Variants in TRIP10 observed in about 807,000 individuals in gnomAD.
TRIP10 encodes the protein cdc42-interacting protein 4.
A neutral mutation model predicts 80.9 loss-of-function variants in TRIP10; 54 were observed. The observed-to-expected ratio is 0.67, with a 90% CI of 0.54 to 0.84. TRIP10 has a LOEUF of 0.84. Ranked by LOEUF, TRIP10 falls within the 40% of genes least tolerant of loss-of-function variation. TRIP10 has a pLI of 0.00. For missense variants in TRIP10, 773 were observed against 815.3 expected, an observed-to-expected ratio of 0.95 and a Z score of 0.63; for synonymous variants, 321 against 307.2, an observed-to-expected ratio of 1.04 and a Z score of -0.47.
Position 6,744,648 on chromosome 19 carries a change from C to T in TRIP10, c.737C>T (p.Ala246Val). The change falls in exon 8 of 15, where the codon GCC (alanine) becomes GTC (valine). Residue 246 changes from alanine to valine, a missense_variant. By Grantham distance (64) the Ala-to-Val change is moderately conservative (BLOSUM62 0). Transcript: ENST00000313244. The surrounding 1 kb of genome is among the most constrained non-coding windows in gnomAD (Gnocchi z 4.9). ...EAELEVVPII[A>V]KCLEGMKVAA... ...GAGCTGGAGGTGGTGCCCATAATAGCCAAGTGCTTGGAGGGCATGAAGGTG... is the reference window on the plus strand; with the variant it reads ...GAGCTGGAGGTGGTGCCCATAATAGTCAAGTGCTTGGAGGGCATGAAGGTG... 1 of 1,613,044 alleles carries T rather than the reference C, an allele frequency of 6.2e-7. No homozygotes were observed. Among genetic ancestry groups the T allele is most frequent in the Non-Finnish European group, 8.5e-7 (1 of 1,179,520 alleles).
rs1338435292 is a variant in TRIP10 at position 6,746,091 on chromosome 19, C to T, written c.1047C>T (p.Pro349=). 2 of 1,542,028 alleles carry T rather than the reference C, an allele frequency of 1.3e-6. No individual in the cohort carries two copies. Among genetic ancestry groups the T allele is most frequent in the Admixed American group, 2.0e-5 (1 of 49,516 alleles). ...TACCCTCGGCATTGCCTAACGGACC[C>T]CCGTCCCCCCGCTCCGGCCGTGACC... ...GPVPSALPNG[P]PSPRSGRDPL... The change falls in exon 10 of 15, where the codon CCC becomes CCT. Residue 349 remains proline (P), a synonymous_variant. Transcript: ENST00000313244. The surrounding 1 kb of genome is among the most constrained non-coding windows in gnomAD (Gnocchi z 6.2).
intron 11 of TRIP10, among the ~76,000 whole-genome samples, chr19:6,748,120 T>A (rs1391553836): frequency 6.6e-6 from 1 of 152,134 alleles, no homozygotes; most frequent in Non-Finnish European, 1.5e-5. Flanking sequence ...ATCTATTTAA[T>A]AGCTCAAACA....
intron 11 of TRIP10, chr19:6,748,814 G>A (rs1223752566): frequency 6.6e-6 from 1 of 151,978 alleles, no homozygotes; most frequent in African/African-American, 2.4e-5. Flanking sequence ...AAAAATAACT[G>A]GAAGGAAGTT....
chr19:6,743,988 T>G (rs1013668871), intron 7 of TRIP10, 152 bp downstream of exon 7: 2 of 1,047,556 alleles, frequency 1.9e-6, no homozygotes, highest in Non-Finnish European at 2.8e-6. Flanking sequence ...GTGCTTTTAG[T>G]CAGCTGTTCT....
chr19:6,745,077 C>T lies in TRIP10; in HGVS notation c.984+83C>T, dbSNP rs890830026. ...GGGCCCCTATTGAGTCAGCCCCAGC[C>T]GCCTGAACGCCGAGTCTCGGGCAGG... On this transcript the variant is annotated intron_variant, in intron 9 of 14. Coordinates refer to ENST00000313244, the MANE Select transcript of TRIP10 (RefSeq NM_001288962.2). The surrounding 1 kb of genome is among the most constrained non-coding windows in gnomAD (Gnocchi z 7.2). 114 of 1,471,974 alleles carry T rather than the reference C, an allele frequency of 7.7e-5. No homozygotes were observed. The highest frequency in any genetic ancestry group is 2.4e-4 in the Middle Eastern group (1 of 4,098). The allele number at this position is 1,471,974 out of a possible 1,614,324, so 91.2% of individuals were successfully genotyped here.
chr19:6,748,646 A>G (rs1234375127), intron 11 of TRIP10: 3 of 152,256 alleles, frequency 2.0e-5, no homozygotes, highest in Admixed American at 6.5e-5. Context: ...TATAAAAATT[A>G]GCCAGGCGTG....
chr19:6,742,641 G>A (rs1376590538), intron 3 of TRIP10, among the ~76,000 whole-genome samples: 1 of 152,024 alleles, frequency 6.6e-6, no homozygotes, highest in Non-Finnish European at 1.5e-5. Flanking sequence ...AATTAGCCAG[G>A]TGTGGTGGCG....
intron 1 of TRIP10, 180 bp from the exon 2 acceptor site, chr19:6,740,830 G>GA: frequency 1.7e-6 from 1 of 589,458 alleles, no homozygotes; most frequent in East Asian, 2.9e-5. Context: ...CCGGGAAGGG[G>GA]AGGGGGTTCC....
rs1304579793 is a variant in TRIP10 at position 6,751,472 on chromosome 19, A to G, written c.*261A>G. On this transcript the variant is annotated 3_prime_UTR_variant, in exon 15 of 15. Coordinates refer to ENST00000313244, the MANE Select transcript of TRIP10 (RefSeq NM_001288962.2). ...CGCTCGGCTCCGGCCATTTTGTTTT[A>G]TACAAAAATGGGAAAAAAAAAAAAG... 1 of 865,068 alleles carries G rather than the reference A, an allele frequency of 1.2e-6. No homozygotes were observed. 53.6% of individuals were successfully genotyped at this position (865,068 alleles called of 1,614,324 possible). A position where few individuals can be genotyped will look rare whatever the true frequency, so the allele number is the denominator to read the frequency against.
At chr19:6,742,750 G>A (rs995859305) in intron 3 of TRIP10, among the ~76,000 whole-genome samples, 1 of 146,526 alleles carries the variant, frequency 6.8e-6, no homozygotes. Context: ...CCGCTGCACT[G>A]CAGCCTGGGT....
In TRIP10 at chr19:6,743,175, A is replaced by G; in HGVS notation, c.346-19A>G. ...TTCTGCTGGAACCCTGGCGAGCCTT[A>G]TCACTCTTCTTTCTGTAGCACTTCC... On this transcript the variant is annotated intron_variant, in intron 4 of 14. Coordinates refer to ENST00000313244, the MANE Select transcript of TRIP10 (RefSeq NM_001288962.2). 6.2e-7 allele frequency: 1 copy of G among 1,614,138 alleles called. No homozygotes were observed.
intron 11 of TRIP10, chr19:6,748,696 G>A (rs546181259): frequency 2.0e-5 from 3 of 152,314 alleles, no homozygotes; most frequent in Non-Finnish European, 2.9e-5. Context: ...CAGAGGCTGA[G>A]GCACGAGAAT....
At chr19:6,748,996 C>T (rs1969208569) in intron 11 of TRIP10, 1 of 152,148 alleles carries the variant, frequency 6.6e-6, no homozygotes, top group African/African-American at 2.4e-5. Context: ...TTCGAATTTT[C>T]AAGGTTTCCT....
At chr19:6,741,387 C>A in intron 3 of TRIP10, 106 bp downstream of exon 3, 1 of 1,307,170 alleles carries the variant, frequency 7.7e-7, no homozygotes, top group Non-Finnish European at 1.1e-6. Flanking sequence ...TCTCACTTCC[C>A]CTTCTAGAGG....
rs779545191 is a variant in TRIP10 at position 6,741,244 on chromosome 19, C to A, written c.160C>A (p.Leu54Met). The change falls in exon 3 of 15, where the codon CTG becomes ATG. Residue 54 changes from leucine (L) to methionine (M), a missense_variant. Coordinates refer to ENST00000313244, the MANE Select transcript of TRIP10 (RefSeq NM_001288962.2). ...CCTTAGGAGCCTGGTGAAAAAATAT[C>A]TGCCCAAGAGACCTGCCAAGGATGA... ...KQLRSLVKKYLPKRPAKDDPE... is the reference protein window; with the variant it reads ...KQLRSLVKKYMPKRPAKDDPE... 1 of 1,611,884 alleles carries A rather than the reference C, an allele frequency of 6.2e-7. No homozygotes were observed. The highest frequency in any genetic ancestry group is 1.7e-5 in the Admixed American group (1 of 59,418).
chr19:6,749,577 T>G (rs1969223432), intron 11 of TRIP10, among the ~76,000 whole-genome samples: 1 of 151,134 alleles, frequency 6.6e-6, no homozygotes, highest in African/African-American at 2.5e-5. Flanking sequence ...TTAAATCACA[T>G]GGAGCCCGGT....
chr19:6,740,138 C>T (rs572621221), intron 1 of TRIP10, among the ~76,000 whole-genome samples: 1 of 152,202 alleles, frequency 6.6e-6, no homozygotes, highest in Non-Finnish European at 1.5e-5. Context: ...GCCCGTCGTC[C>T]GCCTGTCCGG....
Position 6,751,107 on chromosome 19 carries a change from A to G in TRIP10, c.1702A>G (p.Ser568Gly). 6.2e-7 allele frequency: 1 copy of G among 1,610,450 alleles called. No homozygotes were observed. Among genetic ancestry groups the G allele is most frequent in the East Asian group, 2.2e-5 (1 of 44,578 alleles). ...TISMAEGEDL[S>G]LMEEDKGDGW... ...CTCTATGGCCGAGGGTGAAGACCTCAGTCTTATGGAAGAAGACAAAGGGGA... is the reference window on the plus strand; with the variant it reads ...CTCTATGGCCGAGGGTGAAGACCTCGGTCTTATGGAAGAAGACAAAGGGGA... The change falls in exon 15 of 15, where the codon AGT becomes GGT. Residue 568 changes from serine (S) to glycine (G), a missense_variant. Coordinates refer to ENST00000313244, the MANE Select transcript of TRIP10 (RefSeq NM_001288962.2).
chr19:6,742,823 G>C (rs1237946341), intron 3 of TRIP10, 144 bp from the exon 4 acceptor site: 7 of 1,105,994 alleles, frequency 6.3e-6, no homozygotes, highest in African/African-American at 1.6e-5. Context: ...TGGGGTTAAG[G>C]AATATGGACC....
Sources: gnomAD v4.1 joint callset for allele counts (sites outside exome capture counted in the v4.1 genomes callset) on GRCh38, gnomAD v4.1.1 for gene constraint, Gnocchi (gnomAD v3.1) non-coding constraint, MANE v1.5 for transcripts, NCBI Gene and HGNC (gene_info 2026-07-23, HGNC 2026-07-21) for gene names.